The following HAPLN1 variants were observed in gnomAD, a reference collection of about 807,000 sequenced individuals.
The protein encoded by HAPLN1 is hyaluronan and proteoglycan link protein 1, also known as Cartilage link protein.
Under a neutral mutation model 36.5 loss-of-function variants are expected in HAPLN1, and 13 were observed. The ratio of observed to expected loss-of-function variants is 0.36; its 90% CI spans 0.23 to 0.57. HAPLN1 has a LOEUF of 0.57. HAPLN1 is among the 20% of genes least tolerant of loss of function. The probability of loss-of-function intolerance (pLI) is 0.83; values close to 1 mark genes in which losing one functional copy is unlikely to be tolerated. For missense variants in HAPLN1, 407 were observed against 439.7 expected, an observed-to-expected ratio of 0.93 and a Z score of 0.66; for synonymous variants, 202 against 169.8, an observed-to-expected ratio of 1.19 and a Z score of -1.48.
At chr5:83,656,700 C>T (rs562644148) in intron 2 of HAPLN1, among the ~76,000 whole-genome samples, 1 of 152,132 alleles carries the variant, frequency 6.6e-6, no homozygotes, top group Non-Finnish European at 1.5e-5. Context: ...AGATCTGATG[C>T]CCTTCAAAGC....
intron 1 of HAPLN1, among the ~76,000 whole-genome samples, chr5:83,704,855 AAAATTAAC>A (rs1212184311): frequency 2.6e-5 from 4 of 152,212 alleles, no homozygotes; most frequent in African/African-American, 9.7e-5. Flanking sequence ...ATCAAGGCAG[AAAATTAAC>A]AAAGATATTT....
At chr5:83,646,404 C>T (rs962438015) in intron 3 of HAPLN1, among the ~76,000 whole-genome samples, 27 of 152,182 alleles carry the variant, frequency 1.8e-4, no homozygotes, top group African/African-American at 5.3e-4. Context: ...GATGTACAAA[C>T]TCACTAATAG....
chr5:83,656,078 A>G (rs1208971618), intron 2 of HAPLN1, among the ~76,000 whole-genome samples: 1 of 152,146 alleles, frequency 6.6e-6, no homozygotes, highest in African/African-American at 2.4e-5. Flanking sequence ...CTATAATCCC[A>G]GCACTTTGGG....
intron 2 of HAPLN1, among the ~76,000 whole-genome samples, chr5:83,658,208 T>A (rs1176036191): frequency 2.0e-5 from 3 of 152,214 alleles, no homozygotes; most frequent in Non-Finnish European, 2.9e-5. Flanking sequence ...ACTAACACTT[T>A]GGAAGCTGTT....
At chr5:83,705,387 C>CAA (rs762927081) in intron 1 of HAPLN1, among the ~76,000 whole-genome samples, 1,427 of 84,414 alleles carry the variant, frequency 0.017, 6 homozygotes, top group Middle Eastern at 0.027. Flanking sequence ...TGAAACGTCA[C>CAA]AAAAAAAAAA....
intron 2 of HAPLN1, among the ~76,000 whole-genome samples, chr5:83,670,235 T>C (rs173053): frequency 0.38 from 57,141 of 151,980 alleles, 10,955 homozygotes; most frequent in East Asian, 0.55. Context: ...TGATACTCCA[T>C]GTAAAACTCT....
chr5:83,700,553 G>A (rs1207780155), intron 1 of HAPLN1, among the ~76,000 whole-genome samples: 1 of 151,576 alleles, frequency 6.6e-6, no homozygotes, highest in Non-Finnish European at 1.5e-5. Context: ...AGAATACATA[G>A]TAATATAAAT....
intron 1 of HAPLN1, among the ~76,000 whole-genome samples, chr5:83,695,279 C>T (rs1231995881): frequency 6.6e-6 from 1 of 152,048 alleles, no homozygotes; most frequent in Non-Finnish European, 1.5e-5. Flanking sequence ...GCACATGCCA[C>T]CACGCCCAGC....
chr5:83,652,828 T>A lies in HAPLN1; in HGVS notation c.101-4A>T, dbSNP rs1391508158. 1 of 1,557,426 alleles carries A rather than the reference T, an allele frequency of 6.4e-7. No homozygotes were observed. ...AGTAGATGGGGGCCATTTTCTGCTA[T>A]AATTAAAAAGGAAAAAAAAAAGAAA... On this transcript the variant is annotated splice_region_variant and splice_polypyrimidine_tract_variant and intron_variant, in intron 2 of 4. Transcript: ENST00000274341.
intron 2 of HAPLN1, among the ~76,000 whole-genome samples, chr5:83,659,177 G>C (rs185338953): frequency 6.6e-6 from 1 of 152,044 alleles, no homozygotes; most frequent in Non-Finnish European, 1.5e-5. Context: ...GGGAGGCCGA[G>C]GCAGGAGAAT....
intron 2 of HAPLN1, among the ~76,000 whole-genome samples, chr5:83,659,607 A>G (rs911464358): frequency 3.9e-5 from 6 of 152,108 alleles, no homozygotes; most frequent in Non-Finnish European, 7.3e-5. Flanking sequence ...ATAAATGTAG[A>G]AGTTGAGGGA....
At chr5:83,673,709 G>A in intron 1 of HAPLN1, 160 bp from the exon 2 acceptor site, 1 of 550,802 alleles carries the variant, frequency 1.8e-6, no homozygotes, top group Non-Finnish European at 3.2e-6. Flanking sequence ...AAGAGCCGAA[G>A]ACGGCAGCTT....
intron 1 of HAPLN1, chr5:83,685,980 G>A (rs979946888): frequency 1.3e-5 from 2 of 151,940 alleles, no homozygotes; most frequent in South Asian, 4.2e-4. Context: ...TTCCACACAA[G>A]TTCTCGAAGT....
chr5:83,709,340 A>G (rs1751724002), intron 1 of HAPLN1, among the ~76,000 whole-genome samples: 1 of 152,220 alleles, frequency 6.6e-6, no homozygotes, highest in South Asian at 2.1e-4. Flanking sequence ...TTTCTTAAGC[A>G]TATTAATCAC....
intron 2 of HAPLN1, among the ~76,000 whole-genome samples, chr5:83,663,364 T>G (rs946211429): frequency 2.6e-5 from 4 of 152,206 alleles, no homozygotes; most frequent in Non-Finnish European, 4.4e-5. Context: ...AGGTTCAGAC[T>G]CTGGGAAGTG....
At chr5:83,701,927 AACACAC>A (rs112813015) in intron 1 of HAPLN1, among the ~76,000 whole-genome samples, 23 of 143,824 alleles carry the variant, frequency 1.6e-4, no homozygotes, top group Admixed American at 3.5e-4. Flanking sequence ...CTTCGACAAA[AACACAC>A]ACACACACAC....
At chr5:83,718,551 T>G (rs149415598) in intron 1 of HAPLN1, among the ~76,000 whole-genome samples, 1 of 152,364 alleles carries the variant, frequency 6.6e-6, no homozygotes, top group African/African-American at 2.4e-5. Flanking sequence ...TTAAACACTA[T>G]TGATTAAAAT....
At chr5:83,644,311 G>T in intron 4 of HAPLN1, 52 bp downstream of exon 4, 1 of 1,313,974 alleles carries the variant, frequency 7.6e-7, no homozygotes, top group Non-Finnish European at 1.0e-6. Flanking sequence ...TAGTGTTATA[G>T]TATGGAATAG....
At chr5:83,714,483 C>T (rs1333477804) in intron 1 of HAPLN1, among the ~76,000 whole-genome samples, 1 of 152,048 alleles carries the variant, frequency 6.6e-6, no homozygotes, top group Non-Finnish European at 1.5e-5. Context: ...TTTTATAAAG[C>T]CAAAGCAGAT....
Sources: gnomAD v4.1 joint callset for allele counts (sites outside exome capture counted in the v4.1 genomes callset) on GRCh38, gnomAD v4.1.1 for gene constraint, MANE v1.5 for transcripts, NCBI Gene and HGNC (gene_info 2026-07-23, HGNC 2026-07-21) for gene names.